The following GALNT13 variants were observed in gnomAD, a reference collection of about 807,000 sequenced individuals.
The protein encoded by GALNT13 is polypeptide N-acetylgalactosaminyltransferase 13.
In GALNT13, 28 loss-of-function variants were observed where a neutral mutation model predicts 64.2. The ratio of observed to expected loss-of-function variants is 0.44; its 90% CI spans 0.32 to 0.60. The LOEUF (loss-of-function observed/expected upper bound fraction) is 0.60, where lower values mean the gene tolerates loss of function less well. GALNT13 is among the 20% of genes least tolerant of loss of function. The pLI is 0.05. For synonymous variants in GALNT13, 214 were observed against 224.6 expected, an observed-to-expected ratio of 0.95 and a Z score of 0.42; for missense variants, 577 against 669.8, an observed-to-expected ratio of 0.86 and a Z score of 1.53.
chr2:153,668,220 A>T, the GALNT13 span, among the ~76,000 whole-genome samples: 1 of 152,118 alleles, frequency 6.6e-6, no homozygotes, highest in Non-Finnish European at 1.5e-5. Flanking sequence ...ACTAACAAAG[A>T]TACTCAGGAC....
intron 3 of GALNT13, among the ~76,000 whole-genome samples, chr2:154,012,502 T>C (rs1467285156): frequency 6.6e-6 from 1 of 152,170 alleles, no homozygotes; most frequent in Non-Finnish European, 1.5e-5. Context: ...CTTTATTTTT[T>C]CTTTCATTAT....
At chr2:154,116,969 A>G (rs914849319) in intron 3 of GALNT13, among the ~76,000 whole-genome samples, 9 of 152,190 alleles carry the variant, frequency 5.9e-5, no homozygotes, top group African/African-American at 1.2e-4. Flanking sequence ...GCCAGCTGCA[A>G]GCTGAGGAGC....
At chr2:153,937,194 T>G (rs1191221049) in intron 2 of GALNT13, among the ~76,000 whole-genome samples, 1 of 152,192 alleles carries the variant, frequency 6.6e-6, no homozygotes, top group Non-Finnish European at 1.5e-5. Context: ...TGTTAACAGC[T>G]TAAATTTTTC....
the GALNT13 span, among the ~76,000 whole-genome samples, chr2:153,349,059 T>C: frequency 1.2e-4 from 18 of 152,228 alleles, no homozygotes; most frequent in Non-Finnish European, 2.2e-4. Flanking sequence ...CTATGATAAG[T>C]ACATTTCAAG....
the GALNT13 span, among the ~76,000 whole-genome samples, chr2:153,542,607 C>T: frequency 3.3e-5 from 5 of 152,122 alleles, no homozygotes; most frequent in Non-Finnish European, 7.4e-5. Context: ...TCAGACATCA[C>T]TTGAGGGATG....
intron 4 of GALNT13, among the ~76,000 whole-genome samples, chr2:154,207,832 G>A (rs571723648): frequency 3.9e-5 from 6 of 152,104 alleles, no homozygotes; most frequent in African/African-American, 1.4e-4. Flanking sequence ...ACTGTCTCCT[G>A]AGGAGTCATT....
the GALNT13 span, among the ~76,000 whole-genome samples, chr2:153,073,712 T>C: frequency 6.6e-6 from 1 of 152,166 alleles, no homozygotes; most frequent in Non-Finnish European, 1.5e-5. Context: ...TTCCTTAATA[T>C]CATCAAGTAT....
chr2:154,235,866 A>T (rs1336522459), intron 4 of GALNT13, among the ~76,000 whole-genome samples: 2 of 152,200 alleles, frequency 1.3e-5, no homozygotes, highest in African/African-American at 4.8e-5. Flanking sequence ...GAAAGGATAA[A>T]ATCAAATTGT....
chr2:153,659,073 C>T, the GALNT13 span, among the ~76,000 whole-genome samples: 40,330 of 151,908 alleles, frequency 0.27, 5,799 homozygotes, highest in Admixed American at 0.39. Context: ...AGAACTATTA[C>T]AAAATTTTAT....
At chr2:153,256,170 T>C in the GALNT13 span, among the ~76,000 whole-genome samples, 13 of 151,982 alleles carry the variant, frequency 8.6e-5, no homozygotes, top group African/African-American at 3.1e-4. Context: ...TCGTTTCTTT[T>C]TATTCTTTTT....
the GALNT13 span, among the ~76,000 whole-genome samples, chr2:153,157,964 C>T: frequency 6.6e-6 from 1 of 151,486 alleles, no homozygotes; most frequent in East Asian, 1.9e-4. Flanking sequence ...TCCCCTGGAA[C>T]AGAAAGTTCA....
chr2:154,360,619 C>G (rs774063930), intron 9 of GALNT13, among the ~76,000 whole-genome samples: 1 of 152,128 alleles, frequency 6.6e-6, no homozygotes, highest in African/African-American at 2.4e-5. Context: ...TAGAGTGATA[C>G]AAATTTGCAA....
chr2:153,525,104 C>T, the GALNT13 span, among the ~76,000 whole-genome samples: 1 of 152,220 alleles, frequency 6.6e-6, no homozygotes, highest in Non-Finnish European at 1.5e-5. Context: ...GCTCCTCTTT[C>T]AGGTCCTAAC....
chr2:154,186,189 A>G (rs373659267), intron 4 of GALNT13, among the ~76,000 whole-genome samples: 3 of 152,176 alleles, frequency 2.0e-5, no homozygotes, highest in South Asian at 4.1e-4. Context: ...AGCTGTTTAC[A>G]TGAATAGCAG....
At chr2:153,292,971 T>A in the GALNT13 span, among the ~76,000 whole-genome samples, 1 of 152,168 alleles carries the variant, frequency 6.6e-6, no homozygotes, top group East Asian at 1.9e-4. Flanking sequence ...ATGGAGTTTA[T>A]CTTCATCACT....
chr2:153,516,696 A>G, the GALNT13 span, among the ~76,000 whole-genome samples: 545 of 152,202 alleles, frequency 3.6e-3, 4 homozygotes, highest in African/African-American at 0.012. Context: ...TCCCTAGGAA[A>G]TTGTAGTAGC....
At chr2:153,359,282 T>G in the GALNT13 span, among the ~76,000 whole-genome samples, 1 of 152,232 alleles carries the variant, frequency 6.6e-6, no homozygotes, top group South Asian at 2.1e-4. Context: ...TCCAGCGTTA[T>G]TTTATTTTAC....
At chr2:153,692,237 G>A in the GALNT13 span, among the ~76,000 whole-genome samples, 8 of 152,116 alleles carry the variant, frequency 5.3e-5, no homozygotes, top group African/African-American at 1.2e-4. Context: ...AGAAGGGATC[G>A]TAAAGGGGGT....
chr2:153,758,222 C>T, the GALNT13 span, among the ~76,000 whole-genome samples: 2 of 151,640 alleles, frequency 1.3e-5, no homozygotes, highest in African/African-American at 4.8e-5. Context: ...TCCCCATATC[C>T]TTTATTGAAG....
Sources: allele counts gnomAD v4.1 joint callset (sites outside exome capture counted in the v4.1 genomes callset), GRCh38; gene constraint gnomAD v4.1.1; transcripts MANE v1.5; gene names NCBI Gene and HGNC (gene_info 2026-07-23, HGNC 2026-07-21).